SLC24A3: variants seen among roughly 807,000 people sequenced by gnomAD.
SLC24A3 encodes the protein solute carrier family 24 member 3, also known as sodium/potassium/calcium exchanger 3.
SLC24A3 carries 28 observed loss-of-function variants against 75.8 expected under a neutral mutation model. The ratio of observed to expected loss-of-function variants is 0.37; its 90% CI spans 0.27 to 0.51. The LOEUF is 0.51. Among genes scored for constraint, SLC24A3 ranks in the 20% least tolerant of loss-of-function variants. The probability of loss-of-function intolerance (pLI) is 0.94; values close to 1 mark genes in which losing one functional copy is unlikely to be tolerated. For missense variants in SLC24A3, 663 were observed against 847.8 expected, an observed-to-expected ratio of 0.78 and a Z score of 2.71; for synonymous variants, 372 against 334.1, an observed-to-expected ratio of 1.11 and a Z score of -1.24.
chr20:19,573,931 G>A (rs2031091980), intron 3 of SLC24A3, among the ~76,000 whole-genome samples: 1 of 152,094 alleles, frequency 6.6e-6, no homozygotes, highest in African/African-American at 2.4e-5. Context: ...ACAGAACTCT[G>A]TCCTAAGATC....
intron 2 of SLC24A3, among the ~76,000 whole-genome samples, chr20:19,401,009 C>A (rs1986542043): frequency 6.6e-6 from 1 of 152,090 alleles, no homozygotes; most frequent in African/African-American, 2.4e-5. Flanking sequence ...AATTTTCACC[C>A]ATGTTTCATA....
At chr20:19,392,763 A>G (rs1986389076) in intron 2 of SLC24A3, among the ~76,000 whole-genome samples, 1 of 152,212 alleles carries the variant, frequency 6.6e-6, no homozygotes, top group Non-Finnish European at 1.5e-5. Flanking sequence ...CAGATCTGTC[A>G]TGCATCTTCA....
At chr20:19,262,733 T>A (rs1378410774) in intron 1 of SLC24A3, among the ~76,000 whole-genome samples, 1 of 152,152 alleles carries the variant, frequency 6.6e-6, no homozygotes, top group Non-Finnish European at 1.5e-5. Flanking sequence ...ATGTGTGTGG[T>A]ATCTATGATG....
chr20:19,338,600 G>C (rs1486687222), intron 2 of SLC24A3, among the ~76,000 whole-genome samples: 2 of 152,156 alleles, frequency 1.3e-5, no homozygotes. Flanking sequence ...CCAGTTGTTT[G>C]GATGAACTGT....
At chr20:19,420,406 T>A (rs1159159245) in intron 2 of SLC24A3, among the ~76,000 whole-genome samples, 2 of 121,740 alleles carry the variant, frequency 1.6e-5, no homozygotes, top group African/African-American at 6.8e-5. Context: ...ATCGCCACAC[T>A]GACTTCCACA....
At chr20:19,405,740 G>T (rs1986633104) in intron 2 of SLC24A3, among the ~76,000 whole-genome samples, 2 of 152,250 alleles carry the variant, frequency 1.3e-5, no homozygotes, top group African/African-American at 4.8e-5. Flanking sequence ...AGAATTTGAA[G>T]AATTTAAATT....
At chr20:19,679,239 G>A (rs1490268079) in intron 9 of SLC24A3, among the ~76,000 whole-genome samples, 15 of 152,114 alleles carry the variant, frequency 9.9e-5, no homozygotes, top group Non-Finnish European at 1.5e-5. Context: ...ACCAGACACC[G>A]TCTGCAATCC....
At chr20:19,228,495 C>T (rs1265804437) in intron 1 of SLC24A3, among the ~76,000 whole-genome samples, 4 of 151,918 alleles carry the variant, frequency 2.6e-5, no homozygotes, top group African/African-American at 4.8e-5. Flanking sequence ...AAAAATTAGC[C>T]GGGCGTGGGC....
intron 6 of SLC24A3, among the ~76,000 whole-genome samples, chr20:19,617,318 CA>C (rs150153500): frequency 0.056 from 8,459 of 152,284 alleles, 343 homozygotes; most frequent in Non-Finnish European, 0.088. Flanking sequence ...GTTAGAAGGA[CA>C]AGGACAGCAT....
At chr20:19,692,238 G>T (rs990789429) in intron 12 of SLC24A3, among the ~76,000 whole-genome samples, 2 of 152,162 alleles carry the variant, frequency 1.3e-5, no homozygotes, top group Admixed American at 1.3e-4. Context: ...TTCTTATAAA[G>T]TTAAATAAAT....
At chr20:19,425,269 C>T (rs1345979941) in intron 2 of SLC24A3, among the ~76,000 whole-genome samples, 1 of 151,596 alleles carries the variant, frequency 6.6e-6, no homozygotes, top group African/African-American at 2.4e-5. Context: ...TGCCACTGCA[C>T]TCCAGCCTAG....
intron 10 of SLC24A3, among the ~76,000 whole-genome samples, chr20:19,682,426 A>C (rs1210486195): frequency 6.6e-6 from 1 of 151,876 alleles, no homozygotes; most frequent in African/African-American, 2.4e-5. Context: ...CAGTCCTCCA[A>C]CCCTCCCTTT....
intron 3 of SLC24A3, among the ~76,000 whole-genome samples, chr20:19,556,210 G>T (rs6081648): frequency 0.081 from 12,317 of 152,072 alleles, 573 homozygotes; most frequent in Middle Eastern, 0.12. Context: ...TATAAATTTG[G>T]GGGGGACATA....
chr20:19,685,800 C>G (rs1000718573), intron 12 of SLC24A3, among the ~76,000 whole-genome samples: 1 of 152,056 alleles, frequency 6.6e-6, no homozygotes, highest in Non-Finnish European at 1.5e-5. Context: ...ATGTAGCTAC[C>G]TTCCAGCAAG....
At chr20:19,242,120 A>G (rs1195182773) in intron 1 of SLC24A3, among the ~76,000 whole-genome samples, 1 of 152,132 alleles carries the variant, frequency 6.6e-6, no homozygotes, top group Non-Finnish European at 1.5e-5. Flanking sequence ...AGTTTTGAGA[A>G]TAATAACTCA....
chr20:19,348,125 C>T (rs796201371), intron 2 of SLC24A3, among the ~76,000 whole-genome samples: 27 of 152,300 alleles, frequency 1.8e-4, no homozygotes, highest in African/African-American at 6.0e-4. Context: ...CCTTGCTCCC[C>T]GAGGATGTCT....
rs10609143 is a variant in SLC24A3 at position 19,334,040 on chromosome 20, T to TA, written c.271+52966dup. Reference sequence around the variant, plus strand: ...TGCATTATATCAGAAGAAAAGCTGTTAAAAAAAAAAAAAGACAGCAAAGAG... The same window carrying TA: ...TGCATTATATCAGAAGAAAAGCTGTTAAAAAAAAAAAAAAGACAGCAAAGAG... On this transcript the variant is annotated intron_variant, in intron 2 of 16. Coordinates refer to ENST00000328041, the MANE Select transcript of SLC24A3 (RefSeq NM_020689.4). Among the ~76,000 whole-genome samples, 301 of 146,918 alleles carry TA rather than the reference T, an allele frequency of 2.0e-3. 1 individual carries two copies. The highest frequency in any genetic ancestry group is 0.013 in the East Asian group (67 of 4,968).
At chr20:19,426,768 G>A (rs1987013222) in intron 2 of SLC24A3, among the ~76,000 whole-genome samples, 1 of 152,192 alleles carries the variant, frequency 6.6e-6, no homozygotes, top group African/African-American at 2.4e-5. Context: ...GAGGAAATGA[G>A]GTTGGACCTA....
At chr20:19,315,484 A>T (rs558023591) in intron 2 of SLC24A3, among the ~76,000 whole-genome samples, 1 of 151,650 alleles carries the variant, frequency 6.6e-6, no homozygotes, top group Admixed American at 6.6e-5. Context: ...TCCTGGGGTC[A>T]TGGTCTTAGA....
Sources: gnomAD v4.1 joint callset for allele counts (sites outside exome capture counted in the v4.1 genomes callset) on GRCh38, gnomAD v4.1.1 for gene constraint, MANE v1.5 for transcripts, NCBI Gene and HGNC (gene_info 2026-07-23, HGNC 2026-07-21) for gene names.